SCAMP1: variants seen among roughly 807,000 people sequenced by gnomAD.
The protein encoded by SCAMP1 is secretory carrier membrane protein 1, also known as secretory carrier-associated membrane protein 1.
In SCAMP1, 15 loss-of-function variants were observed where a neutral mutation model predicts 41.8. That is an observed-to-expected ratio of 0.36 (90% CI 0.24 to 0.55). The LOEUF (loss-of-function observed/expected upper bound fraction) is 0.55, where lower values mean the gene tolerates loss of function less well. Among genes scored for constraint, SCAMP1 ranks in the 20% least tolerant of loss-of-function variants. The pLI is 0.86. For synonymous variants in SCAMP1, 135 were observed against 136.8 expected, an observed-to-expected ratio of 0.99 and a Z score of 0.09; for missense variants, 341 against 412.6, an observed-to-expected ratio of 0.83 and a Z score of 1.50.
intron 6 of SCAMP1, among the ~76,000 whole-genome samples, chr5:78,422,893 T>C (rs1281029654): frequency 1.3e-5 from 2 of 152,254 alleles, no homozygotes; most frequent in Non-Finnish European, 2.9e-5. Context: ...CTAGGATATA[T>C]GCGTGTGTTG....
At chr5:78,463,056 TGTC>T (rs1163129546) in intron 8 of SCAMP1, among the ~76,000 whole-genome samples, 5 of 152,248 alleles carry the variant, frequency 3.3e-5, no homozygotes, top group Non-Finnish European at 7.3e-5. Flanking sequence ...CTCAGACATT[TGTC>T]TTTTATCCTT....
intron 2 of SCAMP1, among the ~76,000 whole-genome samples, chr5:78,393,781 T>G (rs901501737): frequency 3.3e-5 from 5 of 152,166 alleles, no homozygotes; most frequent in Non-Finnish European, 7.3e-5. Flanking sequence ...TCCTTAAGAA[T>G]TGATGTATGT....
intron 2 of SCAMP1, among the ~76,000 whole-genome samples, chr5:78,404,751 A>G (rs114204014): frequency 0.015 from 2,240 of 152,230 alleles, 52 homozygotes; most frequent in African/African-American, 0.052. Context: ...GTTTCTCCTG[A>G]GGGGAGGCCT....
chr5:78,368,217 C>G lies in SCAMP1; in HGVS notation c.57+7489C>G, dbSNP rs535102746. Among the ~76,000 whole-genome samples the G allele has an allele frequency of 8.0e-4, 122 of 152,236 alleles. 1 individual carries two copies. Among genetic ancestry groups the G allele is most frequent in the African/African-American group, 2.9e-3 (119 of 41,546 alleles). On this transcript the variant is annotated intron_variant, in intron 1 of 8. Coordinates refer to ENST00000621999, the MANE Select transcript of SCAMP1 (RefSeq NM_004866.6). ...GTCCGTTGCCATGGTCGGTATTCTT[C>G]AGATGTTTAGAAAACTTTTGTCTAG... is the stretch of plus-strand genomic sequence containing the variant.
Position 78,433,487 on chromosome 5 carries a change from G to A in SCAMP1, c.632+11527G>A, listed in dbSNP as rs577634158. Among the ~76,000 whole-genome samples the A allele has an allele frequency of 2.3e-3, 349 of 152,270 alleles. 2 individuals carry two copies. The highest frequency in any genetic ancestry group is 3.3e-3 in the Non-Finnish European group (224 of 68,004). On this transcript the variant is annotated intron_variant, in intron 6 of 8. Coordinates refer to ENST00000621999, the MANE Select transcript of SCAMP1 (RefSeq NM_004866.6). ...AGTGTATGGATGGTGTGCTGCTGTG[G>A]TGGGGGCAGGTGTCAGGTAATTCAG...
At chr5:78,450,588 A>T (rs893189068) in intron 7 of SCAMP1, among the ~76,000 whole-genome samples, 2 of 152,170 alleles carry the variant, frequency 1.3e-5, no homozygotes, top group African/African-American at 4.8e-5. Flanking sequence ...CCAGGCTAGG[A>T]GGTAATAGCA....
chr5:78,454,806 C>T (rs1753342742), intron 7 of SCAMP1, among the ~76,000 whole-genome samples: 1 of 152,216 alleles, frequency 6.6e-6, no homozygotes, highest in Non-Finnish European at 1.5e-5. Context: ...GTGAATCCAT[C>T]TGGTCCTGGA....
chr5:78,407,631 T>C (rs1751965791), intron 2 of SCAMP1, among the ~76,000 whole-genome samples: 1 of 151,660 alleles, frequency 6.6e-6, no homozygotes, highest in South Asian at 2.1e-4. Context: ...TATCCTGTTT[T>C]TTTTTTTTTC....
intron 6 of SCAMP1, among the ~76,000 whole-genome samples, chr5:78,431,083 A>AT (rs151082028): frequency 0.02 from 3,015 of 152,034 alleles, 109 homozygotes; most frequent in African/African-American, 0.068. Flanking sequence ...AGATTTCTTC[A>AT]TTTTCAACCA....
Position 78,417,367 on chromosome 5 carries a change from A to G in SCAMP1, c.343+718A>G, listed in dbSNP as rs1209938537. On this transcript the variant is annotated intron_variant, in intron 4 of 8. Transcript: ENST00000621999. ...CATGAGAACACATTTATCCTGGGTC[A>G]TTTTCTTGCTTGCAGCATCAGAGGT... is the stretch of plus-strand genomic sequence containing the variant. 4.6e-5 allele frequency among the ~76,000 whole-genome samples: 7 copies of G among 152,226 alleles called. 1 individual carries two copies. The highest frequency in any genetic ancestry group is 4.6e-4 in the Admixed American group (7 of 15,280).
intron 2 of SCAMP1, among the ~76,000 whole-genome samples, chr5:78,415,100 C>T (rs184231741): frequency 6.6e-6 from 1 of 151,916 alleles, no homozygotes; most frequent in Non-Finnish European, 1.5e-5. Flanking sequence ...ATTACAGGTG[C>T]CCGCCACCAC....
chr5:78,468,426 C>G, intron 8 of SCAMP1, among the ~76,000 whole-genome samples: 1 of 152,098 alleles, frequency 6.6e-6, no homozygotes, highest in Non-Finnish European at 1.5e-5. Context: ...TGTCAAATAA[C>G]AGTAAATGAA....
Position 78,377,754 on chromosome 5 carries a change from G to A in SCAMP1, c.58-11083G>A, listed in dbSNP as rs1447396749. Among the ~76,000 whole-genome samples, 3 of 152,166 alleles carry A rather than the reference G, an allele frequency of 2.0e-5. No individual in the cohort carries two copies. In the East Asian group the frequency reaches 5.8e-4, roughly 29 times the overall value. On this transcript the variant is annotated intron_variant, in intron 1 of 8. Transcript: ENST00000621999. ...CTTGATCCTTAACTTACTGTTGGTG[G>A]TAATGATGATAGCAGCCTCACCTGT...
At chr5:78,453,143 C>G (rs6886959) in intron 7 of SCAMP1, among the ~76,000 whole-genome samples, 1 of 151,136 alleles carries the variant, frequency 6.6e-6, no homozygotes, top group East Asian at 1.9e-4. Context: ...GTTGCCTGTT[C>G]ACTGTGATGG....
rs555895350 is a variant in SCAMP1, at chr5:78,372,904, A to G, written c.57+12176A>G. On this transcript the variant is annotated intron_variant, in intron 1 of 8. Transcript: ENST00000621999. ...TCTTGCATTATTATTTATTTTCTTT[A>G]TCTGTTATTTAAAAAGATTCCCATC... is the stretch of plus-strand genomic sequence containing the variant. Among the ~76,000 whole-genome samples the G allele has an allele frequency of 3.7e-3, 508 of 136,516 alleles. 4 individuals carry two copies. The highest frequency in any genetic ancestry group is 0.013 in the African/African-American group (485 of 36,388). The allele number at this position is 136,516 out of a possible 152,430, so 89.6% of individuals were successfully genotyped here. A position where few individuals can be genotyped will look rare whatever the true frequency, so the allele number is the denominator to read the frequency against.
At chr5:78,467,711 A>G (rs867377918) in intron 8 of SCAMP1, among the ~76,000 whole-genome samples, 2 of 152,174 alleles carry the variant, frequency 1.3e-5, no homozygotes, top group South Asian at 4.2e-4. Flanking sequence ...AGATGAGATG[A>G]TTTTCTGTAT....
At chr5:78,459,149 C>T (rs1753516809) in intron 7 of SCAMP1, 96 bp from the exon 8 acceptor site, 4 of 690,454 alleles carry the variant, frequency 5.8e-6, no homozygotes, top group African/African-American at 1.8e-5. Context: ...TTGAATATTG[C>T]CTGGCTGATA....
intron 1 of SCAMP1, among the ~76,000 whole-genome samples, chr5:78,368,058 T>C (rs1182063056): frequency 6.6e-6 from 1 of 152,228 alleles, no homozygotes; most frequent in Non-Finnish European, 1.5e-5. Flanking sequence ...TTTCTATTAA[T>C]TTTGAACTGT....
chr5:78,391,903 A>C (rs1464597750), intron 2 of SCAMP1, among the ~76,000 whole-genome samples: 5 of 152,166 alleles, frequency 3.3e-5, no homozygotes, highest in African/African-American at 1.2e-4. Flanking sequence ...GGCACTCGGC[A>C]GGCTGAGGCA....
Sources: gnomAD v4.1 joint callset for allele counts (sites outside exome capture counted in the v4.1 genomes callset) on GRCh38, gnomAD v4.1.1 for gene constraint, MANE v1.5 for transcripts, NCBI Gene and HGNC (gene_info 2026-07-23, HGNC 2026-07-21) for gene names.